The following ST6GALNAC3 variants were observed in gnomAD, a reference collection of about 807,000 sequenced individuals.
The protein encoded by ST6GALNAC3 is ST6 N-acetylgalactosaminide alpha-2,6-sialyltransferase 3, also known as alpha-N-acetylgalactosaminide alpha-2,6-sialyltransferase 3.
A neutral mutation model predicts 32.7 loss-of-function variants in ST6GALNAC3; 25 were observed. The ratio of observed to expected loss-of-function variants is 0.76; its 90% CI spans 0.56 to 1.07. The LOEUF (loss-of-function observed/expected upper bound fraction) is 1.07, where lower values mean the gene tolerates loss of function less well. Among genes scored for constraint, ST6GALNAC3 ranks in the 50% least tolerant of loss-of-function variants. ST6GALNAC3 has a pLI of 0.00. For missense variants in ST6GALNAC3, 355 were observed against 382.4 expected, an observed-to-expected ratio of 0.93 and a Z score of 0.60; for synonymous variants, 129 against 133.1, an observed-to-expected ratio of 0.97 and a Z score of 0.21.
At chr1:76,585,389 A>G (rs1362972815) in intron 3 of ST6GALNAC3, among the ~76,000 whole-genome samples, 1 of 41,566 alleles carries the variant, frequency 2.4e-5, no homozygotes, top group Non-Finnish European at 4.9e-5. Flanking sequence ...CCTTCTCAAA[A>G]AAGAAAAAAA....
In ST6GALNAC3 at chr1:76,395,773, A is replaced by G. The variant is rs145600297; in HGVS notation, c.214-16235A>G. Among the ~76,000 whole-genome samples the G allele has an allele frequency of 1.1e-3, 162 of 152,264 alleles. 1 individual carries two copies. In the East Asian group the frequency reaches 0.025, roughly 24 times the overall value. Reference sequence around the variant, plus strand: ...CCCATATGTGGGTGCTAAAAAGTTTATGTCATGGAAGTAGAGAATAGAATG... The same window carrying G: ...CCCATATGTGGGTGCTAAAAAGTTTGTGTCATGGAAGTAGAGAATAGAATG... On this transcript the variant is annotated intron_variant, in intron 2 of 4. Transcript: ENST00000328299.
chr1:76,112,141 AC>A (rs1648023658), intron 1 of ST6GALNAC3, among the ~76,000 whole-genome samples: 1 of 111,240 alleles, frequency 9.0e-6, no homozygotes, highest in African/African-American at 3.6e-5. Flanking sequence ...TCCCTCCCGG[AC>A]AGGGCGGCTG....
intron 1 of ST6GALNAC3, among the ~76,000 whole-genome samples, chr1:76,112,195 G>A (rs1351748545): frequency 7.0e-6 from 1 of 142,534 alleles, no homozygotes; most frequent in Non-Finnish European, 1.5e-5. Context: ...GGGCGGCCGG[G>A]CAGAGGCGCC....
chr1:76,235,567 C>A (rs1205168249), intron 1 of ST6GALNAC3, among the ~76,000 whole-genome samples: 2 of 151,414 alleles, frequency 1.3e-5, no homozygotes, highest in East Asian at 3.9e-4. Context: ...CTACAAAAGC[C>A]AAGGTTATTT....
At chr1:76,587,146 G>C (rs1557601693) in intron 3 of ST6GALNAC3, among the ~76,000 whole-genome samples, 1 of 152,176 alleles carries the variant, frequency 6.6e-6, no homozygotes, top group East Asian at 1.9e-4. Flanking sequence ...TATTAGTCCT[G>C]ATGGGTAGTA....
At chr1:76,101,461 C>T (rs1647224167) in intron 1 of ST6GALNAC3, among the ~76,000 whole-genome samples, 1 of 152,140 alleles carries the variant, frequency 6.6e-6, no homozygotes, top group South Asian at 2.1e-4. Context: ...AGTACAGTTT[C>T]TGTATTCGTA....
intron 3 of ST6GALNAC3, among the ~76,000 whole-genome samples, chr1:76,486,801 A>G (rs1223838684): frequency 6.6e-6 from 1 of 152,088 alleles, no homozygotes; most frequent in Admixed American, 6.6e-5. Context: ...TCGTTAGTTG[A>G]TGCAGTTTCT....
chr1:76,273,272 T>C (rs971314489), intron 1 of ST6GALNAC3, among the ~76,000 whole-genome samples: 1 of 151,634 alleles, frequency 6.6e-6, no homozygotes, highest in Non-Finnish European at 1.5e-5. Flanking sequence ...AACCAATATT[T>C]ATATAGAGAA....
intron 1 of ST6GALNAC3, among the ~76,000 whole-genome samples, chr1:76,208,111 C>T (rs1345821020): frequency 1.2e-5 from 1 of 86,116 alleles, no homozygotes; most frequent in East Asian, 1.6e-3. Flanking sequence ...ACTCAGGATC[C>T]TGTAACCCAC....
At chr1:76,435,274 A>G (rs1446794739) in intron 3 of ST6GALNAC3, among the ~76,000 whole-genome samples, 1 of 152,176 alleles carries the variant, frequency 6.6e-6, no homozygotes, top group Non-Finnish European at 1.5e-5. Context: ...AATCAATTTG[A>G]GAATACATAT....
At chr1:76,384,585 T>A (rs1651955561) in intron 2 of ST6GALNAC3, among the ~76,000 whole-genome samples, 1 of 152,102 alleles carries the variant, frequency 6.6e-6, no homozygotes, top group Non-Finnish European at 1.5e-5. Flanking sequence ...ACAGAATGCA[T>A]TTTTTTCAAG....
Position 76,509,614 on chromosome 1 carries a change from A to G in ST6GALNAC3, c.623+97197A>G, listed in dbSNP as rs1372157729. ...TATCACCAACTTTGTGGTTTAAAAC[A>G]ACACAAAGTTATTTTATACAGTTCG... On this transcript the variant is annotated intron_variant, in intron 3 of 4. Transcript: ENST00000328299. The surrounding 1 kb of genome is among the most constrained non-coding windows in gnomAD (Gnocchi z 5.5). Among the ~76,000 whole-genome samples the G allele has an allele frequency of 6.6e-6, 1 of 152,230 alleles. No homozygotes were observed. The highest frequency in any genetic ancestry group is 2.4e-5 in the African/African-American group (1 of 41,454).
At chr1:76,114,890 G>T (rs1373472112) in intron 1 of ST6GALNAC3, among the ~76,000 whole-genome samples, 1 of 145,290 alleles carries the variant, frequency 6.9e-6, no homozygotes, top group Non-Finnish European at 1.5e-5. Flanking sequence ...CCAAACTCCA[G>T]CCTGGGCAAA....
chr1:76,093,363 G>T (rs972249551), intron 1 of ST6GALNAC3, among the ~76,000 whole-genome samples: 19 of 152,148 alleles, frequency 1.2e-4, no homozygotes, highest in African/African-American at 4.3e-4. Flanking sequence ...TTCATGGATT[G>T]CAGTAAAGGA....
intron 1 of ST6GALNAC3, among the ~76,000 whole-genome samples, chr1:76,171,165 A>G (rs1187311404): frequency 1.3e-5 from 2 of 151,612 alleles, no homozygotes. Flanking sequence ...TATAGAGGCT[A>G]CAACTCAGTC....
intron 3 of ST6GALNAC3, among the ~76,000 whole-genome samples, chr1:76,529,598 T>C (rs1395296082): frequency 2.0e-5 from 3 of 152,208 alleles, no homozygotes; most frequent in Non-Finnish European, 4.4e-5. Flanking sequence ...ACTTTTCTCA[T>C]ACCAGTCATG....
chr1:76,192,066 A>G lies in ST6GALNAC3; in HGVS notation c.18+117182A>G, dbSNP rs546941473. Among the ~76,000 whole-genome samples, 12 of 152,328 alleles carry G rather than the reference A, an allele frequency of 7.9e-5. No homozygotes were observed. The South Asian group carries it at 2.5e-3, about 32-fold the overall frequency. The stretch of plus-strand genomic sequence containing the variant: ...CTTTGGTCTCCCCCTTGTACAATTC[A>G]AAACACCTTTCAGATATGTAGAATG... On this transcript the variant is annotated intron_variant, in intron 1 of 4. Transcript: ENST00000328299.
chr1:76,224,954 G>A lies in ST6GALNAC3; in HGVS notation c.19-88851G>A, dbSNP rs565786556. ...AGCATGGTTTATTTCAGACTGCAGG[G>A]ATGTCAGCCTGTTATTATAGGAGTG... On this transcript the variant is annotated intron_variant, in intron 1 of 4. Transcript: ENST00000328299. 2.0e-5 allele frequency among the ~76,000 whole-genome samples: 3 copies of A among 152,224 alleles called. No individual in the cohort carries two copies. In the South Asian group the frequency reaches 6.2e-4, roughly 32 times the overall value.
chr1:76,383,178 T>C (rs910923232), intron 2 of ST6GALNAC3, among the ~76,000 whole-genome samples: 1 of 152,166 alleles, frequency 6.6e-6, no homozygotes, highest in Non-Finnish European at 1.5e-5. Flanking sequence ...TGAAAATATC[T>C]TTCAAAATAA....
Sources: allele counts gnomAD v4.1 joint callset (sites outside exome capture counted in the v4.1 genomes callset), GRCh38; gene constraint gnomAD v4.1.1; non-coding constraint Gnocchi (gnomAD v3.1); transcripts MANE v1.5; gene names NCBI Gene and HGNC (gene_info 2026-07-23, HGNC 2026-07-21).